MEGF6: variants seen among roughly 807,000 people sequenced by gnomAD.
MEGF6 encodes the protein multiple epidermal growth factor-like domains protein 6.
A neutral mutation model predicts 207.1 loss-of-function variants in MEGF6; 184 were observed. The ratio of observed to expected loss-of-function variants is 0.89; its 90% CI spans 0.79 to 1.00. The LOEUF is 1.00. MEGF6 is among the 50% of genes least tolerant of loss of function. The pLI is 0.00. For missense variants in MEGF6, 2,282 were observed against 2,202.9 expected (o/e 1.04, Z -0.72); for synonymous variants, 1,038 against 910.0 (o/e 1.14, Z -2.53).
At chr1:3,514,235 G>A (rs1488045167) in intron 7 of MEGF6, among the ~76,000 whole-genome samples, 1 of 148,624 alleles carries the variant, frequency 6.7e-6, no homozygotes, top group Admixed American at 6.7e-5. Flanking sequence ...GCAATAGAGC[G>A]AGACTCCGTC....
intron 2 of MEGF6, among the ~76,000 whole-genome samples, chr1:3,599,273 C>T (rs1644122347): frequency 6.6e-6 from 1 of 152,236 alleles, no homozygotes; most frequent in South Asian, 2.1e-4. Flanking sequence ...GCTGGCCTCC[C>T]CCCCAGAGCT....
chr1:3,614,822 A>G (rs1471602366), upstream of MEGF6, among the ~76,000 whole-genome samples: 1 of 152,244 alleles, frequency 6.6e-6, no homozygotes, highest in Non-Finnish European at 1.5e-5. Flanking sequence ...CCAGTGGTTC[A>G]GGCACCAGCA....
chr1:3,500,735 A>T lies in MEGF6; in HGVS notation c.2605T>A (p.Cys869Ser), dbSNP rs1198630976. The T allele has an allele frequency of 6.2e-7, 1 of 1,602,044 alleles. No homozygotes were observed. The highest frequency in any genetic ancestry group is 1.1e-5 in the South Asian group (1 of 89,502). ...ACDTGHWGPDCSHPCNCSAGH... is the reference protein window; with the variant it reads ...ACDTGHWGPDSSHPCNCSAGH... ...GCGCTGCAGTTGCAGGGGTGGCTGC[A>T]GTCAGGTCCCCAGTGCCCAGTATCA... The change falls in exon 21 of 37, where the codon TGC becomes AGC. Residue 869 changes from cysteine (C) to serine (S), a missense_variant. Cys to Ser is a moderately radical substitution (Grantham distance 112, BLOSUM62 -1). Transcript: ENST00000356575.
Position 3,489,148 on chromosome 1 carries a change from T to C in MEGF6, c.*1380A>G, listed in dbSNP as rs1386398839. 1.3e-5 allele frequency among the ~76,000 whole-genome samples: 2 copies of C among 152,220 alleles called. No individual in the cohort carries two copies. Among genetic ancestry groups the C allele is most frequent in the African/African-American group, 2.4e-5 (1 of 41,450 alleles). On this transcript the variant is annotated 3_prime_UTR_variant, in exon 37 of 37. Coordinates refer to ENST00000356575, the MANE Select transcript of MEGF6 (RefSeq NM_001409.4). ...TGCTGCTTCTGCATCCCCACCATCC[T>C]GCCCTCCCTTATCACTGTTCTACTT...
rs558384729 is a variant in MEGF6 at position 3,499,618 on chromosome 1, C to T, written c.2935G>A (p.Ala979Thr). 3.7e-5 allele frequency: 59 copies of T among 1,587,584 alleles called. 1 individual carries two copies. Among genetic ancestry groups the T allele is most frequent in the Middle Eastern group, 3.4e-4 (2 of 5,964 alleles). Residue 979 changes from alanine to threonine, a missense_variant, in exon 23 of 37, where the codon GCT (alanine) becomes ACT (threonine). By Grantham distance (58) the Ala-to-Thr change is moderately conservative. Transcript: ENST00000356575. ...DAVNGSCLCP[A>T]GRRGPRCAET... ...GCACAGCGGGGGCCCCGGCGGCCAG[C>T]GGGGCAGAGGCAGGAGCCATTCACG...
rs1641316084 is a variant in MEGF6 at position 3,510,838 on chromosome 1, G to GC, written c.1178_1179insG (p.Tyr393Ter). 6.2e-7 allele frequency: 1 copy of GC among 1,610,876 alleles called. No individual in the cohort carries two copies. Among genetic ancestry groups the GC allele is most frequent in the Admixed American group, 1.7e-5 (1 of 59,966 alleles). The change falls in exon 10 of 37, where the codon TAC becomes TAGC. Residue 393 changes from tyrosine (Y) to a stop codon, truncating the protein, a stop_gained and frameshift_variant. Transcript: ENST00000356575. LOFTEE classifies it high-confidence loss of function. Reference protein sequence around the residue: ...QQVCTNNPGGYECGCYAGYRL... With the variant: ...QQVCTNNPGG ...GGTAGCCGGCGTAGCAGCCGCACTCGTACCCGCCAGGGTTGTTGGTGCACA... is the reference window on the plus strand; with the variant it reads ...GGTAGCCGGCGTAGCAGCCGCACTCGCTACCCGCCAGGGTTGTTGGTGCACA...
chr1:3,593,957 T>C (rs1342619188), intron 3 of MEGF6, among the ~76,000 whole-genome samples: 1 of 152,186 alleles, frequency 6.6e-6, no homozygotes, highest in Non-Finnish European at 1.5e-5. Context: ...TCTTCCCCTT[T>C]TCCTGCTGGA....
chr1:3,579,311 C>A (rs1557791387), intron 4 of MEGF6, among the ~76,000 whole-genome samples: 1 of 152,254 alleles, frequency 6.6e-6, no homozygotes, highest in Non-Finnish European at 1.5e-5. Flanking sequence ...CATCCCCACT[C>A]CCTGCAAGCA....
At chr1:3,567,331 A>G (rs996385652) in intron 4 of MEGF6, among the ~76,000 whole-genome samples, 17 of 152,186 alleles carry the variant, frequency 1.1e-4, no homozygotes, top group Non-Finnish European at 7.4e-5. Context: ...CAGAAGGCCC[A>G]GGCCCTGCCT....
intron 3 of MEGF6, among the ~76,000 whole-genome samples, chr1:3,592,922 A>AC (rs1644003037): frequency 6.6e-6 from 1 of 151,700 alleles, no homozygotes; most frequent in African/African-American, 2.4e-5. Context: ...GACAACCAGG[A>AC]CCCCCACCCT....
At chr1:3,501,723 A>G (rs1640876747) in intron 18 of MEGF6, 73 bp downstream of exon 18, 3 of 1,544,042 alleles carry the variant, frequency 1.9e-6, no homozygotes, top group South Asian at 1.2e-5. Flanking sequence ...TGGGGCCCCC[A>G]CAGTTCAGGG....
At chr1:3,534,646 C>T (rs1214837930) in intron 4 of MEGF6, among the ~76,000 whole-genome samples, 1 of 152,186 alleles carries the variant, frequency 6.6e-6, no homozygotes, top group African/African-American at 2.4e-5. Flanking sequence ...CAGCAGACAC[C>T]CCAAGGCCAC....
intron 4 of MEGF6, among the ~76,000 whole-genome samples, chr1:3,551,205 GC>G (rs758544702): frequency 3.2e-4 from 48 of 152,328 alleles, no homozygotes; most frequent in Non-Finnish European, 5.6e-4. Context: ...GGGTGGCCCC[GC>G]CCCATGCAGG....
Position 3,501,245 on chromosome 1 carries a change from G to A in MEGF6, c.2378C>T (p.Ala793Val). ...QEICPACQHA[A>V]RCDPETGACL... ...GGCTCCGGTCTCAGGGTCGCAGCGG[G>A]CAGCGTGCTGGCATGCTGGGCAGAT... The change falls in exon 19 of 37, where the codon GCC becomes GTC. Residue 793 changes from alanine (A) to valine (V), a missense_variant. Ala to Val is a moderately conservative substitution (Grantham distance 64, BLOSUM62 0). Coordinates refer to ENST00000356575, the MANE Select transcript of MEGF6 (RefSeq NM_001409.4). The A allele has an allele frequency of 6.2e-7, 1 of 1,610,360 alleles. No homozygotes were observed. The highest frequency in any genetic ancestry group is 1.7e-5 in the Admixed American group (1 of 59,774).
Position 3,509,969 on chromosome 1 carries a change from G to C in MEGF6, c.1258C>G (p.Arg420Gly). The C allele has an allele frequency of 6.3e-7, 1 of 1,585,102 alleles. No homozygotes were observed. Among genetic ancestry groups the C allele is most frequent in the Non-Finnish European group, 8.5e-7 (1 of 1,171,476 alleles). ...CEDVDECASS[R>G]GGCEHHCTNL... Reference sequence around the variant, plus strand: ...GTGCAGTGGTGCTCGCAGCCGCCACGGCTGGAGGCGCACTCATCCACATCT... The same window carrying C: ...GTGCAGTGGTGCTCGCAGCCGCCACCGCTGGAGGCGCACTCATCCACATCT... Residue 420 changes from arginine to glycine, a missense_variant, in exon 11 of 37, where the codon CGT becomes GGT. By Grantham distance (125) the Arg-to-Gly change is moderately radical. Coordinates refer to ENST00000356575, the MANE Select transcript of MEGF6 (RefSeq NM_001409.4).
chr1:3,502,110 CTGG>C (rs1640927385), intron 17 of MEGF6, among the ~76,000 whole-genome samples, 189 bp from the exon 18 acceptor site: 2 of 17,328 alleles, frequency 1.2e-4, no homozygotes, highest in South Asian at 1.9e-3. Flanking sequence ...CACATGGGCT[CTGG>C]CTCTAGCCCC....
intron 4 of MEGF6, among the ~76,000 whole-genome samples, chr1:3,535,238 C>T (rs1028115618): frequency 3.9e-5 from 6 of 152,278 alleles, no homozygotes; most frequent in Non-Finnish European, 5.9e-5. Context: ...GCAGGGCGAG[C>T]CTCCAGGGAA....
In MEGF6 at chr1:3,500,504, C is replaced by T. The variant is rs574614271; in HGVS notation, c.2707+129G>A. 21 of 1,348,640 alleles carry T rather than the reference C, an allele frequency of 1.6e-5. No homozygotes were observed. In the Admixed American group the frequency reaches 2.8e-4, roughly 18 times the overall value. The allele number at this position is 1,348,640 out of a possible 1,614,324, so 83.5% of individuals were successfully genotyped here. A position where few individuals can be genotyped will look rare whatever the true frequency, so the allele number is the denominator to read the frequency against. ...GTGTGTGCGCGCACAGGAGGGGGCG[C>T]GGCCAAAGGCTTCGTGTGTGTGCGT... On this transcript the variant is annotated intron_variant, in intron 21 of 36. Transcript: ENST00000356575.
At chr1:3,550,755 C>A (rs920314497) in intron 4 of MEGF6, among the ~76,000 whole-genome samples, 2 of 152,244 alleles carry the variant, frequency 1.3e-5, no homozygotes, top group African/African-American at 2.4e-5. Flanking sequence ...GAAGACCCAG[C>A]CCTTGCAGCC....
Sources: allele counts gnomAD v4.1 joint callset (sites outside exome capture counted in the v4.1 genomes callset), GRCh38; gene constraint gnomAD v4.1.1; transcripts MANE v1.5; gene names NCBI Gene and HGNC (gene_info 2026-07-23, HGNC 2026-07-21).